XKR9: variants seen among roughly 807,000 people sequenced by gnomAD.
XKR9 encodes the protein XK-related protein 9.
In XKR9, 32 loss-of-function variants were observed where a neutral mutation model predicts 32.0. That is an observed-to-expected ratio of 1.00 (90% CI 0.76 to 1.34). The LOEUF is 1.34. Among genes scored for constraint, XKR9 ranks in the 40% most tolerant of loss-of-function variants. The pLI is 0.00. For missense variants in XKR9, 546 were observed against 429.7 expected (o/e 1.27, Z -2.39); for synonymous variants, 168 against 143.4 (o/e 1.17, Z -1.22).
At chr8:70,981,242 T>G in the XKR9 span, among the ~76,000 whole-genome samples, 1 of 152,216 alleles carries the variant, frequency 6.6e-6, no homozygotes. Flanking sequence ...TTTTCCTGAC[T>G]TTTAGATTTC....
At chr8:70,696,662 G>A (rs268605) in intron 3 of XKR9, among the ~76,000 whole-genome samples, 119,620 of 134,712 alleles carry the variant, frequency 0.89, 53,838 homozygotes, top group Middle Eastern at 0.96. Context: ...ACTCGGCGAT[G>A]CGGGCTCTTT....
chr8:70,893,131 A>AT, the XKR9 span, among the ~76,000 whole-genome samples: 42 of 151,212 alleles, frequency 2.8e-4, no homozygotes, highest in Middle Eastern at 3.4e-3. Context: ...TCTCTATCGT[A>AT]TTTTTTCATT....
At chr8:70,690,163 CGT>C (rs1819460506) in intron 3 of XKR9, among the ~76,000 whole-genome samples, 2 of 151,926 alleles carry the variant, frequency 1.3e-5, no homozygotes, top group Admixed American at 1.3e-4. Flanking sequence ...TAGATAAACA[CGT>C]GTCATGGGGG....
intron 2 of XKR9, among the ~76,000 whole-genome samples, chr8:70,676,698 T>C (rs575835055): frequency 3.9e-5 from 6 of 152,292 alleles, no homozygotes; most frequent in African/African-American, 1.4e-4. Flanking sequence ...TCTTTCCATC[T>C]TGTAAAAGTT....
At chr8:70,965,087 C>A in the XKR9 span, among the ~76,000 whole-genome samples, 6 of 152,104 alleles carry the variant, frequency 3.9e-5, no homozygotes, top group African/African-American at 1.2e-4. Context: ...GTGGGTTTGT[C>A]ATAAATGGCT....
the XKR9 span, among the ~76,000 whole-genome samples, chr8:70,956,503 G>A: frequency 4.9e-4 from 75 of 152,108 alleles, no homozygotes; most frequent in African/African-American, 1.7e-3. Context: ...TGGCAGCCCC[G>A]CTCCCATACC....
At chr8:70,750,380 G>A (rs1807123025) in intron 2 of XKR9, among the ~76,000 whole-genome samples, 1 of 152,118 alleles carries the variant, frequency 6.6e-6, no homozygotes, top group Non-Finnish European at 1.5e-5. Flanking sequence ...CACTTTGGGA[G>A]CAATAAATCA....
chr8:70,828,564 A>C, the XKR9 span, among the ~76,000 whole-genome samples: 1 of 152,112 alleles, frequency 6.6e-6, no homozygotes, highest in African/African-American at 2.4e-5. Context: ...TCTCTACTAA[A>C]AATACAAAAA....
downstream of XKR9, among the ~76,000 whole-genome samples, chr8:70,791,366 C>T (rs1250814126): frequency 2.6e-5 from 4 of 151,404 alleles, no homozygotes; most frequent in Non-Finnish European, 4.4e-5. Flanking sequence ...CTTAGCAGTA[C>T]ACAAAGTATG....
chr8:71,032,735 A>T, the XKR9 span, among the ~76,000 whole-genome samples: 33 of 152,316 alleles, frequency 2.2e-4, no homozygotes, highest in Middle Eastern at 0.01. Flanking sequence ...AGTGCTTTAC[A>T]ACCTATGAGA....
At chr8:70,816,534 T>C in the XKR9 span, among the ~76,000 whole-genome samples, 1 of 152,196 alleles carries the variant, frequency 6.6e-6, no homozygotes, top group Non-Finnish European at 1.5e-5. Context: ...GTGGTATTAC[T>C]GTGAGATACT....
chr8:71,060,033 C>T, the XKR9 span, among the ~76,000 whole-genome samples: 5 of 152,266 alleles, frequency 3.3e-5, no homozygotes, highest in Admixed American at 1.3e-4. Context: ...AGTTTCTCCA[C>T]ATCTGAAGAG....
chr8:71,038,474 C>T, the XKR9 span, among the ~76,000 whole-genome samples: 1 of 151,704 alleles, frequency 6.6e-6, no homozygotes, highest in Non-Finnish European at 1.5e-5. Flanking sequence ...GCACACACCA[C>T]CACACCTGGC....
chr8:70,892,756 T>C, the XKR9 span, among the ~76,000 whole-genome samples: 2 of 152,174 alleles, frequency 1.3e-5, 1 homozygote, highest in African/African-American at 4.8e-5. Flanking sequence ...CTCTTGCTGT[T>C]TCTGGAATTC....
the XKR9 span, among the ~76,000 whole-genome samples, chr8:71,033,158 A>G: frequency 6.6e-6 from 1 of 152,130 alleles, no homozygotes; most frequent in African/African-American, 2.4e-5. Flanking sequence ...CAGAATCAAA[A>G]TGACTCTCAG....
chr8:70,720,132 T>C (rs1418577238), intron 4 of XKR9, among the ~76,000 whole-genome samples: 1 of 152,158 alleles, frequency 6.6e-6, no homozygotes, highest in Non-Finnish European at 1.5e-5. Context: ...ATGCTTGTGA[T>C]TTTTGCACAT....
chr8:70,787,835 G>C (rs958483078), intron 2 of XKR9, among the ~76,000 whole-genome samples: 2 of 151,930 alleles, frequency 1.3e-5, no homozygotes, highest in Non-Finnish European at 2.9e-5. Flanking sequence ...AATTTTTCTA[G>C]ATTAATGATT....
intron 4 of XKR9, among the ~76,000 whole-genome samples, chr8:70,725,648 G>A (rs568616342): frequency 2.0e-5 from 3 of 152,274 alleles, no homozygotes; most frequent in African/African-American, 7.2e-5. Flanking sequence ...GCTCATGGCT[G>A]TAATCCCAGC....
In XKR9 at chr8:70,724,843, T is replaced by C. The variant is rs536673194; in HGVS notation, c.494-8953T>C. Among the ~76,000 whole-genome samples, 9 of 152,310 alleles carry C rather than the reference T, an allele frequency of 5.9e-5. No individual in the cohort carries two copies. In the South Asian group the frequency reaches 1.9e-3, roughly 32 times the overall value. On this transcript the variant is annotated intron_variant, in intron 4 of 4. Coordinates refer to ENST00000408926, the MANE Select transcript of XKR9 (RefSeq NM_001011720.2). ...TTGGCCATCTTAGTCTGGGTTTTCT[T>C]TTTTTGGGTATCTTTATAGCAGCAC...
Sources: gnomAD v4.1 joint callset for allele counts (sites outside exome capture counted in the v4.1 genomes callset) on GRCh38, gnomAD v4.1.1 for gene constraint, MANE v1.5 for transcripts, NCBI Gene and HGNC (gene_info 2026-07-23, HGNC 2026-07-21) for gene names.